SRRM1: variants seen among roughly 807,000 people sequenced by gnomAD.
SRRM1 encodes serine/arginine repetitive matrix protein 1.
Under a neutral mutation model 110.2 loss-of-function variants are expected in SRRM1, and 19 were observed. That is an observed-to-expected ratio of 0.17 (90% CI 0.12 to 0.25). The LOEUF is 0.25. Among genes scored for constraint, SRRM1 ranks in the 10% least tolerant of loss-of-function variants. SRRM1 has a pLI of 1.00. For missense variants in SRRM1, 918 were observed against 1,145.8 expected (o/e 0.80, Z 2.87); for synonymous variants, 443 against 414.9 (o/e 1.07, Z -0.82).
At chr1:24,661,276 A>C in intron 10 of SRRM1, 34 bp from the exon 11 acceptor site, 1 of 1,563,492 alleles carries the variant, frequency 6.4e-7, no homozygotes, top group East Asian at 2.2e-5. Context: ...ATGCTTAACT[A>C]AAGAAACACT....
intron 9 of SRRM1, among the ~76,000 whole-genome samples, 198 bp from the exon 10 acceptor site, chr1:24,660,519 TTG>T (rs1666631658): frequency 1.3e-5 from 2 of 152,180 alleles, no homozygotes; most frequent in Non-Finnish European, 2.9e-5. Flanking sequence ...GCACAGTGGC[TTG>T]TGCCTGTAAT....
At chr1:24,660,311 C>T (rs1348501841) in intron 9 of SRRM1, among the ~76,000 whole-genome samples, 1 of 152,164 alleles carries the variant, frequency 6.6e-6, no homozygotes, top group Non-Finnish European at 1.5e-5. Context: ...TGTTGGTTTT[C>T]TTGGGAGAAT....
chr1:24,669,470 GTCC>G lies in SRRM1; in HGVS notation c.2091_2093del (p.Pro699del). The G allele has an allele frequency of 6.2e-7, 1 of 1,613,870 alleles. No individual in the cohort carries two copies. The highest frequency in any genetic ancestry group is 1.1e-5 in the South Asian group (1 of 91,052). ...CCTCGAGCTCCTCAGACCTCCTCAA[GTCC>G]TCCACCCGTTCGAAGAGGAGCGTCG... On this transcript the variant is annotated inframe_deletion, in exon 14 of 17. Transcript: ENST00000323848.
In SRRM1 at chr1:24,648,780, A is replaced by G. The variant is rs892519956; in HGVS notation, c.235-79A>G. ...GTAGACTTAAAAAATACTAATTTAAATGAGTTTTAGGTTGGTTGATTTGTT... is the reference window on the plus strand; with the variant it reads ...GTAGACTTAAAAAATACTAATTTAAGTGAGTTTTAGGTTGGTTGATTTGTT... On this transcript the variant is annotated intron_variant, in intron 3 of 16. Coordinates refer to ENST00000323848, the MANE Select transcript of SRRM1 (RefSeq NM_005839.4). The G allele has an allele frequency of 9.9e-6, 13 of 1,310,620 alleles. No homozygotes were observed. The Admixed American group carries it at 1.9e-4, about 19-fold the overall frequency. 81.2% of individuals were successfully genotyped at this position (1,310,620 alleles called of 1,614,324 possible).
At position 24,652,428 on chromosome 1, in the gene SRRM1, C is replaced by T; in HGVS notation, c.726-6C>T. Reference sequence around the variant, plus strand: ...AAAAAAAAAAAAAAAGCTTTTGTTTCCACAGTGACATTCTGAAAGTTCCCA... The same window carrying T: ...AAAAAAAAAAAAAAAGCTTTTGTTTTCACAGTGACATTCTGAAAGTTCCCA... On this transcript the variant is annotated splice_polypyrimidine_tract_variant and splice_region_variant and intron_variant, in intron 6 of 16. Transcript: ENST00000323848. 2 of 1,420,824 alleles carry T rather than the reference C, an allele frequency of 1.4e-6. No homozygotes were observed. The highest frequency in any genetic ancestry group is 1.4e-5 in the South Asian group (1 of 73,022). 88.0% of individuals were successfully genotyped at this position (1,420,824 alleles called of 1,614,324 possible). A position where few individuals can be genotyped will look rare whatever the true frequency, so the allele number is the denominator to read the frequency against.
At chr1:24,671,800 T>A (rs1243114832) in intron 16 of SRRM1, among the ~76,000 whole-genome samples, 5 of 152,154 alleles carry the variant, frequency 3.3e-5, no homozygotes, top group African/African-American at 1.2e-4. Context: ...CCCACACTTT[T>A]TTTTTTTATA....
At chr1:24,663,089 T>C (rs1418104290) in intron 12 of SRRM1, 28 of 1,202,708 alleles carry the variant, frequency 2.3e-5, no homozygotes, top group East Asian at 2.1e-4. Context: ...TCTTTGAATA[T>C]TTAAAAATGT....
chr1:24,663,328 T>G, intron 12 of SRRM1: 1 of 844,498 alleles, frequency 1.2e-6, no homozygotes, highest in Non-Finnish European at 1.8e-6. Flanking sequence ...ATATGGTGGC[T>G]GTGGCTGTGA....
At chr1:24,670,818 A>C (rs1672347964) in intron 15 of SRRM1, among the ~76,000 whole-genome samples, 1 of 151,876 alleles carries the variant, frequency 6.6e-6, no homozygotes, top group African/African-American at 2.4e-5. Context: ...AGGAATTTTA[A>C]GTAATTGCTT....
chr1:24,672,083 G>A (rs1673079660), intron 16 of SRRM1, 99 bp from the exon 17 acceptor site: 1 of 852,128 alleles, frequency 1.2e-6, no homozygotes, highest in Non-Finnish European at 1.9e-6. Context: ...AACAGTCCCC[G>A]GTGTGTGATG....
chr1:24,671,377 T>A lies in SRRM1; in HGVS notation c.2401-9T>A. 3 of 1,586,678 alleles carry A rather than the reference T, an allele frequency of 1.9e-6. No individual in the cohort carries two copies. In the South Asian group the frequency reaches 3.5e-5, roughly 19 times the overall value. ...ATAAATGCTGGGTGTTGTTTTTTTT[T>A]CTTCCTAGAATTCAGATCAGGAAGG... On this transcript the variant is annotated splice_polypyrimidine_tract_variant and intron_variant, in intron 15 of 16. Coordinates refer to ENST00000323848, the MANE Select transcript of SRRM1 (RefSeq NM_005839.4).
chr1:24,652,029 A>AAAAAATATATAT (rs1387655792), intron 6 of SRRM1, among the ~76,000 whole-genome samples: 1 of 79,846 alleles, frequency 1.3e-5, no homozygotes, highest in Non-Finnish European at 2.6e-5. Context: ...CTGTACTAAA[A>AAAAAATATATAT]ATATATATAT....
At chr1:24,656,540 T>C (rs1664209162) in intron 9 of SRRM1, among the ~76,000 whole-genome samples, 1 of 152,330 alleles carries the variant, frequency 6.6e-6, no homozygotes, top group South Asian at 2.1e-4. Context: ...TTTTCAGCAT[T>C]GGGAAAATTT....
chr1:24,654,707 C>A, intron 8 of SRRM1, 148 bp from the exon 9 acceptor site: 1 of 905,126 alleles, frequency 1.1e-6, no homozygotes. Flanking sequence ...TGGTTTTTTC[C>A]CCCATTCTTT....
At chr1:24,644,305 C>T (rs1033398159) in intron 1 of SRRM1, among the ~76,000 whole-genome samples, 1 of 152,126 alleles carries the variant, frequency 6.6e-6, no homozygotes, top group African/African-American at 2.4e-5. Flanking sequence ...AGAAGGGACA[C>T]AGGACTAGAG....
chr1:24,667,965 CTTTTTTTTTTTTTT>C (rs1038405035), intron 13 of SRRM1, among the ~76,000 whole-genome samples: 2 of 68,514 alleles, frequency 2.9e-5, no homozygotes, highest in African/African-American at 6.9e-5. Context: ...TGCTGCCACT[CTTTTTTTTTTTTTT>C]TTTTTTTTTT....
chr1:24,646,635 A>C, intron 2 of SRRM1, 32 bp from the exon 3 acceptor site: 1 of 1,538,632 alleles, frequency 6.5e-7, no homozygotes, highest in Non-Finnish European at 8.7e-7. Flanking sequence ...AGGATTGTGA[A>C]GTTGTACTTA....
chr1:24,670,195 A>C lies in SRRM1; in HGVS notation c.2280A>C (p.Ala760=). 1 of 1,614,084 alleles carries C rather than the reference A, an allele frequency of 6.2e-7. No individual in the cohort carries two copies. The highest frequency in any genetic ancestry group is 8.5e-7 in the Non-Finnish European group (1 of 1,180,014). The change falls in exon 15 of 17, where the codon GCA becomes GCC. Residue 760 remains alanine, a synonymous_variant. Coordinates refer to ENST00000323848, the MANE Select transcript of SRRM1 (RefSeq NM_005839.4). ...CTGTCTCCGGGTCTCCTGAGCCAGC[A>C]GCTAAAAAGCCCCCAGCACCTCCAT... ...SRSVSGSPEP[A]AKKPPAPPSP...
At chr1:24,652,032 ATATATATATATAT>A (rs1557670747) in intron 6 of SRRM1, among the ~76,000 whole-genome samples, 7 of 76,754 alleles carry the variant, frequency 9.1e-5, no homozygotes, top group African/African-American at 5.4e-4. Context: ...TACTAAAAAT[ATATATATATATAT>A]ATATATATAT....
Sources: gnomAD v4.1 joint callset for allele counts (sites outside exome capture counted in the v4.1 genomes callset) on GRCh38, gnomAD v4.1.1 for gene constraint, MANE v1.5 for transcripts, NCBI Gene and HGNC (gene_info 2026-07-23, HGNC 2026-07-21) for gene names.